The following MINDY2 variants were observed in gnomAD, a reference collection of about 807,000 sequenced individuals.
MINDY2 encodes ubiquitin carboxyl-terminal hydrolase MINDY-2.
A neutral mutation model predicts 68.2 loss-of-function variants in MINDY2; 52 were observed. That is an observed-to-expected ratio of 0.76 (90% CI 0.61 to 0.96). The LOEUF (loss-of-function observed/expected upper bound fraction) is 0.96, where lower values mean the gene tolerates loss of function less well. MINDY2 is among the 40% of genes least tolerant of loss of function. MINDY2 has a pLI of 0.00. For synonymous variants in MINDY2, 372 were observed against 303.0 expected (o/e 1.23, Z -2.36); for missense variants, 881 against 773.4 (o/e 1.14, Z -1.65).
intron 1 of MINDY2, among the ~76,000 whole-genome samples, chr15:58,783,498 A>G (rs1228534503): frequency 3.3e-5 from 5 of 152,174 alleles, no homozygotes; most frequent in African/African-American, 1.2e-4. Context: ...ATAGGTGTCA[A>G]AACCTTGGCA....
chr15:58,817,247 C>G (rs1157861964), intron 4 of MINDY2, among the ~76,000 whole-genome samples: 1 of 152,080 alleles, frequency 6.6e-6, no homozygotes, highest in African/African-American at 2.4e-5. Flanking sequence ...AAAGTAGGAG[C>G]TCCTACAGAT....
intron 2 of MINDY2, among the ~76,000 whole-genome samples, chr15:58,801,963 A>G (rs1902695352): frequency 6.6e-6 from 1 of 152,222 alleles, no homozygotes; most frequent in African/African-American, 2.4e-5. Flanking sequence ...GCAGACATTT[A>G]GAAGACTGAT....
rs1182523003 is a variant in MINDY2, at chr15:58,778,810, C to CTT, written c.840+6594_840+6595dup. 1.7e-3 allele frequency among the ~76,000 whole-genome samples: 191 copies of CTT among 114,342 alleles called. 3 individuals carry two copies. The highest frequency in any genetic ancestry group is 5.2e-3 in the African/African-American group (149 of 28,782). 75.0% of individuals were successfully genotyped at this position (114,342 alleles called of 152,430 possible). A position where few individuals can be genotyped will look rare whatever the true frequency, so the allele number is the denominator to read the frequency against. On this transcript the variant is annotated intron_variant, in intron 1 of 8. Coordinates refer to ENST00000559228, the MANE Select transcript of MINDY2 (RefSeq NM_001040450.3). ...CCCACCTAATTTTTTTTCTTTTTTT[C>CTT]TTTTTTTTTTTTTTTTTTTTGAGAC...
At chr15:58,787,329 T>C (rs1901573816) in intron 1 of MINDY2, among the ~76,000 whole-genome samples, 1 of 152,032 alleles carries the variant, frequency 6.6e-6, no homozygotes, top group Non-Finnish European at 1.5e-5. Context: ...ATCTCCTATG[T>C]GTGCAGCTCT....
intron 1 of MINDY2, among the ~76,000 whole-genome samples, chr15:58,782,903 TTCTC>T (rs1252247305): frequency 6.9e-6 from 1 of 143,962 alleles, no homozygotes; most frequent in African/African-American, 2.5e-5. Flanking sequence ...ATTTAATTTT[TTCTC>T]TCTGTTTTTT....
chr15:58,805,847 G>C (rs1410451781), intron 3 of MINDY2, among the ~76,000 whole-genome samples: 1 of 152,052 alleles, frequency 6.6e-6, no homozygotes, highest in African/African-American at 2.4e-5. Flanking sequence ...AGGCTGAGGC[G>C]GGGGGATCAC....
intron 1 of MINDY2, among the ~76,000 whole-genome samples, chr15:58,777,684 A>G (rs1900860705): frequency 6.6e-6 from 1 of 152,228 alleles, no homozygotes; most frequent in African/African-American, 2.4e-5. Flanking sequence ...ATGCTCTAAC[A>G]TCAAGAAAGA....
chr15:58,818,796 C>T (rs1022588976), intron 4 of MINDY2, among the ~76,000 whole-genome samples: 4 of 151,602 alleles, frequency 2.6e-5, no homozygotes, highest in African/African-American at 4.8e-5. Context: ...CCCACCACCA[C>T]GCCTGGCTAA....
chr15:58,847,190 A>G (rs2032577802), intron 6 of MINDY2, 107 bp from the exon 7 acceptor site: 1 of 816,258 alleles, frequency 1.2e-6, no homozygotes, highest in Non-Finnish European at 1.8e-6. Context: ...AACAGTAGGA[A>G]TGTTTAATAT....
chr15:58,796,815 ACC>A (rs1902315297), intron 2 of MINDY2, among the ~76,000 whole-genome samples: 1 of 152,176 alleles, frequency 6.6e-6, no homozygotes, highest in South Asian at 2.1e-4. Flanking sequence ...TAGCCACTGC[ACC>A]TGGCCATTTA....
At chr15:58,852,150 G>C (rs369897199) in intron 8 of MINDY2, among the ~76,000 whole-genome samples, 185 bp downstream of exon 8, 151 of 151,710 alleles carry the variant, frequency 1.0e-3, no homozygotes, top group South Asian at 1.5e-3. Flanking sequence ...GCCGGGCGTG[G>C]TGGTGGTGAA....
chr15:58,829,664 T>C (rs969375354), intron 5 of MINDY2, among the ~76,000 whole-genome samples: 1 of 152,192 alleles, frequency 6.6e-6, no homozygotes, highest in Admixed American at 6.5e-5. Flanking sequence ...CATTTAGTAA[T>C]ACAGATATTA....
intron 1 of MINDY2, among the ~76,000 whole-genome samples, chr15:58,781,657 C>T (rs1254130077): frequency 2.0e-5 from 3 of 152,072 alleles, no homozygotes; most frequent in Admixed American, 2.0e-4. Context: ...GTAATCCCAG[C>T]ACTTTGGGAG....
At chr15:58,826,262 T>A (rs1595755381) in intron 5 of MINDY2, among the ~76,000 whole-genome samples, 2 of 140,612 alleles carry the variant, frequency 1.4e-5, no homozygotes, top group South Asian at 4.6e-4. Flanking sequence ...GGAGTTTTGC[T>A]CTTGTTGCCC....
At chr15:58,779,598 C>T (rs549386176) in intron 1 of MINDY2, among the ~76,000 whole-genome samples, 1 of 152,282 alleles carries the variant, frequency 6.6e-6, no homozygotes, top group South Asian at 2.1e-4. Flanking sequence ...TCCATCTTAG[C>T]CTCTGCCCAC....
intron 4 of MINDY2, among the ~76,000 whole-genome samples, chr15:58,811,605 A>T (rs942507899): frequency 6.6e-6 from 1 of 152,172 alleles, no homozygotes; most frequent in Admixed American, 6.6e-5. Flanking sequence ...TGACGAGGAG[A>T]TGTGACCTTC....
chr15:58,858,356 G>T lies in MINDY2; in HGVS notation c.*3746G>T, dbSNP rs559406458. The T allele has an allele frequency of 2.0e-5, 3 of 151,998 alleles. No homozygotes were observed. The highest frequency in any genetic ancestry group is 2.1e-4 in the South Asian group (1 of 4,804). 9.4% of individuals were successfully genotyped at this position (151,998 alleles called of 1,614,324 possible). On this transcript the variant is annotated 3_prime_UTR_variant, in exon 9 of 9. Transcript: ENST00000559228. ...TTCTTTCTCATACTTCTTGATCTTG[G>T]CTTAACTAAGCAAGTTAGTATCAGA...
At chr15:58,797,142 A>G (rs573672460) in intron 2 of MINDY2, among the ~76,000 whole-genome samples, 28 of 152,326 alleles carry the variant, frequency 1.8e-4, no homozygotes, top group Non-Finnish European at 4.4e-5. Context: ...TTTGGTTAAA[A>G]AAGAATATCA....
intron 1 of MINDY2, 66 bp from the exon 2 acceptor site, chr15:58,787,840 G>C (rs1279297792): frequency 9.6e-7 from 1 of 1,043,014 alleles, no homozygotes; most frequent in Non-Finnish European, 1.4e-6. Context: ...TTGTGTTTCT[G>C]ACTGCAAGAA....
Sources: allele counts gnomAD v4.1 joint callset (sites outside exome capture counted in the v4.1 genomes callset), GRCh38; gene constraint gnomAD v4.1.1; transcripts MANE v1.5; gene names NCBI Gene and HGNC (gene_info 2026-07-23, HGNC 2026-07-21).